NOSTRIN: variants seen among roughly 807,000 people sequenced by gnomAD.
NOSTRIN encodes the protein nitric oxide synthase trafficking, also known as BM247 homolog.
NOSTRIN carries 63 observed loss-of-function variants against 59.0 expected under a neutral mutation model. The observed-to-expected ratio is 1.07, with a 90% CI of 0.87 to 1.32. The LOEUF is 1.32. Ranked by LOEUF, NOSTRIN falls within the 40% of genes most tolerant of loss-of-function variation. The probability of loss-of-function intolerance (pLI) is 0.00; values close to 1 mark genes in which losing one functional copy is unlikely to be tolerated. For synonymous variants in NOSTRIN, 200 were observed against 165.4 expected (o/e 1.21, Z -1.61); for missense variants, 512 against 473.1 (o/e 1.08, Z -0.76).
intron 15 of NOSTRIN, among the ~76,000 whole-genome samples, chr2:168,862,718 C>A (rs983639751): frequency 7.2e-5 from 11 of 152,040 alleles, no homozygotes; most frequent in African/African-American, 2.4e-4. Context: ...ATAATGTAAA[C>A]CACAACATTA....
At chr2:168,828,241 C>A in intron 4 of NOSTRIN, 21 bp downstream of exon 4, 1 of 872,944 alleles carries the variant, frequency 1.1e-6, no homozygotes, top group Non-Finnish European at 2.0e-6. Context: ...CCACCCTGGC[C>A]TTTCTCCAAC....
At position 168,827,632 on chromosome 2, in the gene NOSTRIN, G is replaced by A. The variant is rs143057404; in HGVS notation, c.198-526G>A. ...TCTGTTGCCCAGGCTGGAGTACAGT[G>A]GCATGATCATAGCTCACTGTAGCTT... On this transcript the variant is annotated intron_variant, in intron 3 of 15. Coordinates refer to ENST00000317647, the MANE Select transcript of NOSTRIN (RefSeq NM_001039724.4). Among the ~76,000 whole-genome samples, 13 of 152,072 alleles carry A rather than the reference G, an allele frequency of 8.5e-5. 1 individual carries two copies. The East Asian group carries it at 2.5e-3, about 29-fold the overall frequency.
intron 1 of NOSTRIN, among the ~76,000 whole-genome samples, chr2:168,804,453 C>T (rs1685744184): frequency 6.6e-6 from 1 of 152,158 alleles, no homozygotes; most frequent in Admixed American, 6.5e-5. Context: ...TCATCTTAAT[C>T]AAGTGTTCAA....
upstream of NOSTRIN, among the ~76,000 whole-genome samples, chr2:168,801,379 T>C (rs1178204824): frequency 6.8e-6 from 1 of 147,494 alleles, no homozygotes; most frequent in Non-Finnish European, 1.5e-5. Context: ...TACCACCACA[T>C]CCTAATTAAA....
At chr2:168,845,281 G>A (rs1030823073) in intron 8 of NOSTRIN, among the ~76,000 whole-genome samples, 1 of 152,132 alleles carries the variant, frequency 6.6e-6, no homozygotes, top group East Asian at 1.9e-4. Flanking sequence ...TGATGAAGCC[G>A]TGGTCTTTCC....
In NOSTRIN at chr2:168,864,895, GA is replaced by G. The variant is rs757832201; in HGVS notation, c.1452del (p.Gly485AlafsTer27). 1.2e-6 allele frequency: 2 copies of G among 1,613,740 alleles called. No homozygotes were observed. The highest frequency in any genetic ancestry group is 1.7e-6 in the Non-Finnish European group (2 of 1,179,898). ...GGWWFGSLNG[K>X]KGHFPAAYVE... ...GATGGTGGTTTGGATCTTTGAATGGGAAAAAAGGCCATTTTCCTGCCGCTTA... is the reference window on the plus strand; with the variant it reads ...GATGGTGGTTTGGATCTTTGAATGGGAAAAAGGCCATTTTCCTGCCGCTTA... On this transcript the variant is annotated frameshift_variant, in exon 16 of 16. Transcript: ENST00000317647. LOFTEE classifies it high-confidence loss of function.
intron 2 of NOSTRIN, among the ~76,000 whole-genome samples, chr2:168,790,161 A>G (rs943590882): frequency 1.4e-4 from 22 of 152,224 alleles, no homozygotes; most frequent in African/African-American, 4.8e-4. Flanking sequence ...TATTTCATGG[A>G]AAATATGATT....
At chr2:168,803,314 TAAG>T (rs146151311) in intron 1 of NOSTRIN, among the ~76,000 whole-genome samples, 300 of 152,216 alleles carry the variant, frequency 2.0e-3, no homozygotes, top group Non-Finnish European at 3.6e-3. Context: ...ATTTAGGAGA[TAAG>T]AAGCAACTAA....
rs1689783614 is a variant in NOSTRIN, at chr2:168,865,114, A to ATGAT, written c.*146_*149dup. ...CTGCATGTCACAGCACTTTGCATTC[A>ATGAT]TGATTATTAGCTTGAAACAGTCAGA... On this transcript the variant is annotated 3_prime_UTR_variant, in exon 16 of 16. Coordinates refer to ENST00000317647, the MANE Select transcript of NOSTRIN (RefSeq NM_001039724.4). 1.2e-6 allele frequency: 1 copy of ATGAT among 836,096 alleles called. No homozygotes were observed. Among genetic ancestry groups the ATGAT allele is most frequent in the Non-Finnish European group, 1.8e-6 (1 of 549,242 alleles). The allele number at this position is 836,096 out of a possible 1,614,324, so 51.8% of individuals were successfully genotyped here.
Position 168,792,992 on chromosome 2 carries a change from A to G in NOSTRIN, c.-473+4944A>G, listed in dbSNP as rs1014193842. Among the ~76,000 whole-genome samples, 3 of 152,292 alleles carry G rather than the reference A, an allele frequency of 2.0e-5. No homozygotes were observed. In the South Asian group the frequency reaches 6.2e-4, roughly 32 times the overall value. ...TAGTGTGGCCAACTTTTGACTTTTCAACACTCCAAAGCCTATATCATTAAC... is the reference window on the plus strand; with the variant it reads ...TAGTGTGGCCAACTTTTGACTTTTCGACACTCCAAAGCCTATATCATTAAC... On this transcript the variant is annotated intron_variant, in intron 2 of 20. Coordinates refer to the NOSTRIN transcript ENST00000458381.
At chr2:168,812,323 T>C (rs1248798306) in intron 2 of NOSTRIN, among the ~76,000 whole-genome samples, 1 of 152,190 alleles carries the variant, frequency 6.6e-6, no homozygotes, top group African/African-American at 2.4e-5. Context: ...TTCAGAAGAC[T>C]GTTAAAACCA....
chr2:168,854,883 G>A (rs918288101), intron 10 of NOSTRIN, among the ~76,000 whole-genome samples: 4 of 152,184 alleles, frequency 2.6e-5, no homozygotes, highest in Non-Finnish European at 5.9e-5. Context: ...AAGAGCATAT[G>A]TGTTTTAGCT....
intron 5 of NOSTRIN, among the ~76,000 whole-genome samples, chr2:168,830,135 T>C (rs1050365117): frequency 6.6e-6 from 1 of 152,214 alleles, no homozygotes; most frequent in Non-Finnish European, 1.5e-5. Flanking sequence ...AACCAATTAC[T>C]AGTCTATATT....
chr2:168,822,110 T>C (rs1055972433), intron 2 of NOSTRIN, among the ~76,000 whole-genome samples: 4 of 152,234 alleles, frequency 2.6e-5, no homozygotes, highest in African/African-American at 4.8e-5. Context: ...GCACTCTTTT[T>C]CTCTCCTCTC....
At position 168,862,005 on chromosome 2, in the gene NOSTRIN, A is replaced by G. The variant is rs1275915542; in HGVS notation, c.1340A>G (p.Tyr447Cys). 6.2e-7 allele frequency: 1 copy of G among 1,614,204 alleles called. No homozygotes were observed. The highest frequency in any genetic ancestry group is 8.5e-7 in the Non-Finnish European group (1 of 1,180,020). ...AGCAGCAGACTTTGCAAGGCCTTGT[A>G]TTCTTTTCAAGCCAGGCAAGATGAT... ...QLSSRLCKAL[Y>C]SFQARQDDEL... The change falls in exon 15 of 16, where the codon TAT becomes TGT. Residue 447 changes from tyrosine (Y) to cysteine (C), a missense_variant. Tyr to Cys is a radical substitution (Grantham distance 194, BLOSUM62 -2). Coordinates refer to ENST00000317647, the MANE Select transcript of NOSTRIN (RefSeq NM_001039724.4).
At chr2:168,801,196 G>C (rs1313481141), upstream of NOSTRIN, 1 of 150,568 alleles carries the variant, frequency 6.6e-6, no homozygotes, top group Non-Finnish European at 1.5e-5. Flanking sequence ...CTCCACTCTT[G>C]TTGCAAGGCA....
intron 7 of NOSTRIN, among the ~76,000 whole-genome samples, chr2:168,835,891 C>T (rs1687687075): frequency 1.3e-5 from 2 of 152,206 alleles, no homozygotes; most frequent in Admixed American, 6.5e-5. Flanking sequence ...TTTCTGCTTA[C>T]ACCCCAATAG....
chr2:168,816,005 C>G (rs1011718172), intron 2 of NOSTRIN, among the ~76,000 whole-genome samples: 2 of 152,160 alleles, frequency 1.3e-5, no homozygotes, highest in African/African-American at 4.8e-5. Flanking sequence ...CCACAGCTTT[C>G]TTTTTATTTT....
chr2:168,818,146 C>A, intron 2 of NOSTRIN: 1 of 270,602 alleles, frequency 3.7e-6, no homozygotes, highest in Admixed American at 3.6e-5. Context: ...GGGCTTAGCT[C>A]TATTTTATTA....
Sources: allele counts gnomAD v4.1 joint callset (sites outside exome capture counted in the v4.1 genomes callset), GRCh38; gene constraint gnomAD v4.1.1; transcripts MANE v1.5; gene names NCBI Gene and HGNC (gene_info 2026-07-23, HGNC 2026-07-21).